Variants in CDH3 observed in about 807,000 individuals in gnomAD.
The protein encoded by CDH3 is cadherin 3, also known as cadherin-3.
Under a neutral mutation model 82.0 loss-of-function variants are expected in CDH3, and 54 were observed. That is an observed-to-expected ratio of 0.66 (90% CI 0.53 to 0.83). The LOEUF (loss-of-function observed/expected upper bound fraction) is 0.83, where lower values mean the gene tolerates loss of function less well. Among genes scored for constraint, CDH3 ranks in the 40% least tolerant of loss-of-function variants. The probability of loss-of-function intolerance (pLI) is 0.00; values close to 1 mark genes in which losing one functional copy is unlikely to be tolerated. For missense variants in CDH3, 1,054 were observed against 1,084.6 expected, an observed-to-expected ratio of 0.97 and a Z score of 0.40; for synonymous variants, 446 against 437.9, an observed-to-expected ratio of 1.02 and a Z score of -0.23.
downstream of CDH3, among the ~76,000 whole-genome samples, chr16:68,704,690 C>T (rs543956887): frequency 6.6e-6 from 1 of 152,352 alleles, no homozygotes; most frequent in East Asian, 1.9e-4. Context: ...TGAAGACAGT[C>T]AATATGGAGT....
downstream of CDH3, among the ~76,000 whole-genome samples, chr16:68,728,382 G>T (rs1334728571): frequency 6.6e-6 from 1 of 151,954 alleles, no homozygotes; most frequent in Non-Finnish European, 1.5e-5. Context: ...AGCCAGGATG[G>T]TCTCGATCTC....
chr16:68,731,819 CAG>C (rs1243358295), downstream of CDH3, among the ~76,000 whole-genome samples: 1 of 151,822 alleles, frequency 6.6e-6, no homozygotes, highest in Non-Finnish European at 1.5e-5. Flanking sequence ...GCCGGGGTGA[CAG>C]AGTTAGATCC....
downstream of CDH3, among the ~76,000 whole-genome samples, chr16:68,704,273 C>G (rs1445108313): frequency 6.7e-6 from 1 of 148,406 alleles, no homozygotes; most frequent in Non-Finnish European, 1.5e-5. Context: ...GGCCACAGAG[C>G]GAGACTTCGT....
At chr16:68,717,370 A>G (rs1962107299) in intron 1 of CDH3, among the ~76,000 whole-genome samples, 1 of 152,228 alleles carries the variant, frequency 6.6e-6, no homozygotes, top group African/African-American at 2.4e-5. Context: ...TGACGGCATT[A>G]TAAAATGGTA....
rs565155436 is a variant in CDH3, at chr16:68,670,808, C to T, written c.161-5577C>T. ...ACTGAATCAGCCTGGCACAGTGGCT[C>T]ATGCCTGTAATCCCAGCACTTTGGG... On this transcript the variant is annotated intron_variant, in intron 2 of 15. Coordinates refer to ENST00000264012, the MANE Select transcript of CDH3 (RefSeq NM_001793.6). Among the ~76,000 whole-genome samples the T allele has an allele frequency of 5.9e-5, 9 of 152,338 alleles. No homozygotes were observed. The East Asian group carries it at 1.4e-3, about 23-fold the overall frequency.
chr16:68,688,776 GC>G (rs1961485725), intron 12 of CDH3, among the ~76,000 whole-genome samples: 1 of 152,014 alleles, frequency 6.6e-6, no homozygotes, highest in Non-Finnish European at 1.5e-5. Flanking sequence ...CTGTCACCAT[GC>G]CCATCTAATT....
intron 2 of CDH3, chr16:68,651,258 G>C (rs763051006): frequency 9.8e-5 from 53 of 539,830 alleles, no homozygotes; most frequent in Admixed American, 2.3e-4. Flanking sequence ...TGCCCAGCTT[G>C]GTGTCATAGA....
rs1191286873 is a variant in CDH3 at position 68,698,686 on chromosome 16, C to G, written c.*286C>G. On this transcript the variant is annotated 3_prime_UTR_variant, in exon 16 of 16. Coordinates refer to ENST00000264012, the MANE Select transcript of CDH3 (RefSeq NM_001793.6). ...TCTTACCTGCCGTAAAATGCTCAAC[C>G]CTGTGTCCTGGGCCTGGGCCTGCTG... 1 of 486,766 alleles carries G rather than the reference C, an allele frequency of 2.1e-6. No individual in the cohort carries two copies. The highest frequency in any genetic ancestry group is 3.7e-5 in the East Asian group (1 of 26,702). The allele number at this position is 486,766 out of a possible 1,614,324, so 30.2% of individuals were successfully genotyped here.
intron 2 of CDH3, among the ~76,000 whole-genome samples, chr16:68,663,225 C>CTTT (rs71382053): frequency 4.6e-5 from 6 of 130,588 alleles, no homozygotes; most frequent in East Asian, 2.3e-4. Context: ...AGGAAAGTGA[C>CTTT]TTTTTTTTTT....
intron 11 of CDH3, among the ~76,000 whole-genome samples, chr16:68,687,294 G>A (rs894248647): frequency 6.6e-6 from 1 of 152,184 alleles, no homozygotes; most frequent in Non-Finnish European, 1.5e-5. Context: ...TATAGTGGCT[G>A]TCTGGATGAA....
intron 8 of CDH3, among the ~76,000 whole-genome samples, 194 bp downstream of exon 8, chr16:68,681,290 G>A (rs1037114794): frequency 2.0e-5 from 3 of 152,180 alleles, no homozygotes; most frequent in African/African-American, 7.2e-5. Flanking sequence ...GATAATACCT[G>A]CTGCATTGTT....
chr16:68,696,926 C>CG (rs1961738978), intron 15 of CDH3: 1 of 151,474 alleles, frequency 6.6e-6, no homozygotes, highest in South Asian at 2.1e-4. Context: ...CACAGCGCCT[C>CG]AATATTTTTC....
chr16:68,647,640 G>T (rs1960115741), intron 2 of CDH3, among the ~76,000 whole-genome samples: 1 of 152,116 alleles, frequency 6.6e-6, no homozygotes, highest in Non-Finnish European at 1.5e-5. Flanking sequence ...GCTTCTGGTG[G>T]CATGGGCTGC....
intron 13 of CDH3, 43 bp from the exon 14 acceptor site, chr16:68,695,212 G>C (rs1347179755): frequency 3.7e-6 from 6 of 1,613,386 alleles, no homozygotes; most frequent in Non-Finnish European, 5.1e-6. Context: ...TTGGCCCACT[G>C]TGTGGTTACA....
intron 13 of CDH3, among the ~76,000 whole-genome samples, chr16:68,693,801 G>T (rs1372444000): frequency 6.6e-6 from 1 of 152,162 alleles, no homozygotes; most frequent in Non-Finnish European, 1.5e-5. Context: ...AAATCGAACT[G>T]CCATAGAGAG....
chr16:68,691,374 T>TG (rs776472664), intron 12 of CDH3, among the ~76,000 whole-genome samples: 87 of 152,298 alleles, frequency 5.7e-4, no homozygotes, highest in Non-Finnish European at 1.1e-3. Context: ...TTAGGAAGAA[T>TG]ATTCTTTTTG....
rs77643700 is a variant in CDH3, at chr16:68,671,908, A to G, written c.161-4477A>G. 5.7e-3 allele frequency among the ~76,000 whole-genome samples: 873 copies of G among 152,304 alleles called. 10 individuals are homozygous for G. Among genetic ancestry groups the G allele is most frequent in the African/African-American group, 0.02 (829 of 41,552 alleles). On this transcript the variant is annotated intron_variant, in intron 2 of 15. Transcript: ENST00000264012. ...AGGTACCAGTGGTTAGGACTTCAAC[A>G]TAAGAATTTTGGAGGGACACAACTC...
chr16:68,678,944 C>A, intron 6 of CDH3, 38 bp downstream of exon 6: 1 of 1,605,792 alleles, frequency 6.2e-7, no homozygotes, highest in Non-Finnish European at 8.5e-7. Flanking sequence ...CGGGGCTGGG[C>A]CCACACCCTT....
chr16:68,731,515 T>TACAC (rs1184478445), downstream of CDH3, among the ~76,000 whole-genome samples: 46 of 33,686 alleles, frequency 1.4e-3, no homozygotes, highest in African/African-American at 3.9e-3. Context: ...CACACACATA[T>TACAC]ACACACACAC....
Sources: gnomAD v4.1 joint callset for allele counts (sites outside exome capture counted in the v4.1 genomes callset) on GRCh38, gnomAD v4.1.1 for gene constraint, MANE v1.5 for transcripts, NCBI Gene and HGNC (gene_info 2026-07-23, HGNC 2026-07-21) for gene names.